Variants in CTNNA2 observed in about 807,000 individuals in gnomAD.
CTNNA2 encodes the protein catenin alpha-2.
CTNNA2 carries 42 observed loss-of-function variants against 101.0 expected under a neutral mutation model. The ratio of observed to expected loss-of-function variants is 0.42; its 90% confidence interval spans 0.32 to 0.54. The LOEUF (loss-of-function observed/expected upper bound fraction) is 0.54. CTNNA2 is among the 20% of genes least tolerant of loss of function. CTNNA2 has a pLI of 0.14. For synonymous variants in CTNNA2, 450 were observed against 456.4 expected, an observed-to-expected ratio of 0.99 and a Z score of 0.18; for missense variants, 871 against 1,223.1, an observed-to-expected ratio of 0.71 and a Z score of 4.29.
At chr2:79,697,519 G>A (rs1684723739) in intron 2 of CTNNA2, among the ~76,000 whole-genome samples, 1 of 152,006 alleles carries the variant, frequency 6.6e-6, no homozygotes, top group African/African-American at 2.4e-5. Context: ...GCAAAGAATA[G>A]TCAGTCTTCA....
At chr2:79,256,783 T>G (rs1198613263) in intron 2 of CTNNA2, among the ~76,000 whole-genome samples, 1 of 152,230 alleles carries the variant, frequency 6.6e-6, no homozygotes, top group Admixed American at 6.5e-5. Flanking sequence ...CCAGTCTCTC[T>G]AAGCCCCAGT....
intron 7 of CTNNA2, among the ~76,000 whole-genome samples, chr2:80,268,024 C>G (rs184648335): frequency 6.6e-6 from 1 of 152,338 alleles, no homozygotes; most frequent in East Asian, 1.9e-4. Flanking sequence ...GCAGTCTGCT[C>G]TGGTAAACAG....
At chr2:79,564,809 T>G (rs1468661296) in intron 1 of CTNNA2, among the ~76,000 whole-genome samples, 1 of 152,204 alleles carries the variant, frequency 6.6e-6, no homozygotes, top group African/African-American at 2.4e-5. Flanking sequence ...ATTTTTCTTC[T>G]TCTTCTTTCG....
At chr2:79,890,447 T>C (rs1684221495) in intron 6 of CTNNA2, among the ~76,000 whole-genome samples, 2 of 152,154 alleles carry the variant, frequency 1.3e-5, no homozygotes, top group South Asian at 4.1e-4. Context: ...AAACTGACAC[T>C]GCTTGTTTTC....
chr2:79,825,992 C>A (rs1038403959), intron 3 of CTNNA2, among the ~76,000 whole-genome samples: 2 of 152,112 alleles, frequency 1.3e-5, no homozygotes, highest in South Asian at 4.1e-4. Context: ...AGTGCCATCA[C>A]CTCTTTTTGC....
At chr2:79,279,867 C>T (rs760725729) in intron 2 of CTNNA2, among the ~76,000 whole-genome samples, 49 of 152,036 alleles carry the variant, frequency 3.2e-4, no homozygotes, top group Non-Finnish European at 5.7e-4. Flanking sequence ...GTCCTGTTAG[C>T]CCATCTCCCC....
At chr2:80,056,560 A>G (rs1349232760) in intron 7 of CTNNA2, among the ~76,000 whole-genome samples, 1 of 152,224 alleles carries the variant, frequency 6.6e-6, no homozygotes, top group Non-Finnish European at 1.5e-5. Context: ...AGCGATCCTT[A>G]CACTCAACTC....
At chr2:80,098,992 C>T (rs534522607) in intron 7 of CTNNA2, among the ~76,000 whole-genome samples, 35 of 152,122 alleles carry the variant, frequency 2.3e-4, no homozygotes, top group Non-Finnish European at 2.6e-4. Flanking sequence ...AGCTCACGCA[C>T]GGTGCATTGC....
intron 2 of CTNNA2, among the ~76,000 whole-genome samples, chr2:79,253,996 A>G (rs1558588066): frequency 6.6e-6 from 1 of 152,170 alleles, no homozygotes; most frequent in African/African-American, 2.4e-5. Flanking sequence ...GATTATCTCA[A>G]AGAGGAACTT....
chr2:80,002,912 C>T (rs1368910), intron 7 of CTNNA2, among the ~76,000 whole-genome samples: 118,123 of 152,042 alleles, frequency 0.78, 46,923 homozygotes, highest in East Asian at 0.91. Flanking sequence ...ACTAAATGCT[C>T]CTCCTGCCTG....
chr2:79,369,778 C>T (rs1677830214), intron 3 of CTNNA2, among the ~76,000 whole-genome samples: 1 of 152,178 alleles, frequency 6.6e-6, no homozygotes, highest in African/African-American at 2.4e-5. Context: ...CTTCCCTTTA[C>T]AACTTATTTA....
At chr2:79,611,621 G>A (rs1176271063) in intron 1 of CTNNA2, among the ~76,000 whole-genome samples, 2 of 151,886 alleles carry the variant, frequency 1.3e-5, no homozygotes, top group East Asian at 2.0e-4. Flanking sequence ...AATGTTTAAG[G>A]TGAGCCACTG....
intron 3 of CTNNA2, among the ~76,000 whole-genome samples, chr2:79,805,535 A>G (rs1012473154): frequency 1.3e-5 from 2 of 152,170 alleles, no homozygotes; most frequent in Non-Finnish European, 2.9e-5. Flanking sequence ...GGCATGCTCA[A>G]CTTCTTTTAT....
intron 2 of CTNNA2, among the ~76,000 whole-genome samples, chr2:79,252,891 T>C (rs1041346178): frequency 1.4e-4 from 21 of 152,146 alleles, no homozygotes; most frequent in African/African-American, 4.6e-4. Context: ...GGAAAACCCA[T>C]GCTTTTAATC....
intron 4 of CTNNA2, among the ~76,000 whole-genome samples, chr2:79,382,714 T>C (rs543724517): frequency 6.6e-5 from 10 of 152,198 alleles, no homozygotes; most frequent in Admixed American, 4.6e-4. Context: ...CCCGGGTTCA[T>C]GCCATTCTCC....
intron 7 of CTNNA2, among the ~76,000 whole-genome samples, chr2:80,095,499 A>G (rs1015714951): frequency 6.6e-6 from 1 of 152,220 alleles, no homozygotes; most frequent in African/African-American, 2.4e-5. Flanking sequence ...CTTTGGTATC[A>G]GGATGATGCT....
intron 2 of CTNNA2, among the ~76,000 whole-genome samples, chr2:79,285,556 G>A (rs1468200650): frequency 3.0e-5 from 4 of 133,630 alleles, no homozygotes; most frequent in Non-Finnish European, 6.4e-5. Context: ...CCATGTAGTT[G>A]AGCGGTTTTG....
chr2:80,095,702 A>T (rs1481913703), intron 7 of CTNNA2, among the ~76,000 whole-genome samples: 1 of 152,148 alleles, frequency 6.6e-6, no homozygotes, highest in South Asian at 2.1e-4. Context: ...GTCTATTCAG[A>T]GATTCAACTT....
At chr2:80,561,231 GA>G (rs1693563935) in intron 12 of CTNNA2, among the ~76,000 whole-genome samples, 1 of 152,144 alleles carries the variant, frequency 6.6e-6, no homozygotes, top group African/African-American at 2.4e-5. Flanking sequence ...TTAGAGATAG[GA>G]AGGACTATCC....
Sources: gnomAD v4.1 joint callset for allele counts (sites outside exome capture counted in the v4.1 genomes callset) on GRCh38, gnomAD v4.1.1 for gene constraint, MANE v1.5 for transcripts, NCBI Gene and HGNC (gene_info 2026-07-23, HGNC 2026-07-21) for gene names.